Variants in RAPGEFL1 observed in about 807,000 individuals in gnomAD.
The protein encoded by RAPGEFL1 is rap guanine nucleotide exchange factor-like 1.
A neutral mutation model predicts 64.4 loss-of-function variants in RAPGEFL1; 31 were observed. The observed-to-expected ratio is 0.48, with a 90% CI of 0.36 to 0.65. The LOEUF (loss-of-function observed/expected upper bound fraction) is 0.65. Among genes scored for constraint, RAPGEFL1 ranks in the 30% least tolerant of loss-of-function variants. The pLI is 0.00. For missense variants in RAPGEFL1, 682 were observed against 677.4 expected, an observed-to-expected ratio of 1.01 and a Z score of -0.08; for synonymous variants, 331 against 274.1, an observed-to-expected ratio of 1.21 and a Z score of -2.05.
In RAPGEFL1 at chr17:40,191,625, A is replaced by T. The variant is rs372662080; in HGVS notation, c.1558A>T (p.Met520Leu). The T allele has an allele frequency of 4.8e-5, 77 of 1,612,626 alleles. No individual in the cohort carries two copies. In the African/African-American group the frequency reaches 8.9e-4, roughly 19 times the overall value. The stretch of plus-strand genomic sequence containing the variant: ...CCTGCTGTCTTTCTACGCCGTGGTC[A>T]TGGGGCTGGACAACGCCGCTGTCAG... ...QDLLSFYAVV[M>L]GLDNAAVSRL... Residue 520 changes from methionine (M) to leucine (L), a missense_variant, in exon 10 of 15, where the codon ATG (methionine) becomes TTG (leucine). Physicochemically the swap from Met to Leu is conservative, Grantham distance 15 (BLOSUM62 2). This residue lies in a region of RAPGEFL1 where 411 missense variants were observed against 519.4 expected (regional missense o/e 0.79). Transcript: ENST00000620260. This position sits in a 1 kb window ranked among gnomAD's most constrained non-coding sequence, Gnocchi z 5.1.
intron 4 of RAPGEFL1, chr17:40,188,639 G>C (rs746508491): frequency 8.9e-6 from 5 of 559,250 alleles, no homozygotes; most frequent in Non-Finnish European, 9.7e-6. Context: ...CTGGTGGGTG[G>C]GGTGGATCAG....
rs1354354890 is a variant in RAPGEFL1 at position 40,195,595 on chromosome 17, G to A, written c.*1807G>A. 2.0e-5 allele frequency: 3 copies of A among 152,712 alleles called. No homozygotes were observed. Among genetic ancestry groups the A allele is most frequent in the Non-Finnish European group, 2.9e-5 (2 of 68,094 alleles). The allele number at this position is 152,712 out of a possible 1,614,324, so 9.5% of individuals were successfully genotyped here. A position where few individuals can be genotyped will look rare whatever the true frequency, so the allele number is the denominator to read the frequency against. On this transcript the variant is annotated 3_prime_UTR_variant, in exon 15 of 15. Transcript: ENST00000620260. Reference sequence around the variant, plus strand: ...GAACCATGTGTATTGTACAGGCGCGGTTGTCATTGCAGAAACCGCTGGGTG... The same window carrying A: ...GAACCATGTGTATTGTACAGGCGCGATTGTCATTGCAGAAACCGCTGGGTG...
chr17:40,184,238 G>A lies in RAPGEFL1; in HGVS notation c.624G>A (p.Glu208=), dbSNP rs760279692. The change falls in exon 3 of 15, where the codon GAG becomes GAA. Residue 208 remains glutamate, a synonymous_variant. Coordinates refer to ENST00000620260, the MANE Select transcript of RAPGEFL1 (RefSeq NM_016339.6). ...GCTTTGTTCGGGCAGGAGGCATGGA[G>A]GGCCCTGAAGGGCTGGGCCGGAAGC... ...HQYFVRAGGM[E]GPEGLGRKQA... 3.1e-6 allele frequency: 5 copies of A among 1,613,082 alleles called. No homozygotes were observed. Among genetic ancestry groups the A allele is most frequent in the Non-Finnish European group, 4.2e-6 (5 of 1,179,520 alleles).
chr17:40,186,440 C>T (rs1266846464), intron 4 of RAPGEFL1, among the ~76,000 whole-genome samples: 8 of 149,324 alleles, frequency 5.4e-5, no homozygotes, highest in South Asian at 4.2e-4. Flanking sequence ...CGGTGGCGGG[C>T]GCCTGCAGTC....
chr17:40,187,265 C>G, intron 4 of RAPGEFL1, among the ~76,000 whole-genome samples: 1 of 152,154 alleles, frequency 6.6e-6, no homozygotes, highest in Admixed American at 6.6e-5. Flanking sequence ...ACCACTGTAT[C>G]CATCCATCCA....
intron 4 of RAPGEFL1, among the ~76,000 whole-genome samples, chr17:40,188,170 T>A (rs559391817): frequency 6.6e-6 from 1 of 151,724 alleles, no homozygotes; most frequent in South Asian, 2.1e-4. Flanking sequence ...CCACCTCAGC[T>A]TCCCAAAGTG....
At chr17:40,189,422 A>C (rs766284060) in intron 6 of RAPGEFL1, 47 bp downstream of exon 6, 2 of 1,599,280 alleles carry the variant, frequency 1.3e-6, no homozygotes, top group South Asian at 1.1e-5. Flanking sequence ...GGAGAAACTC[A>C]CAAGCTCAGG....
rs763915906 is a variant in RAPGEFL1, at chr17:40,191,168, G to A, written c.1336-148G>A. 4.0e-4 allele frequency: 286 copies of A among 708,656 alleles called. 2 individuals carry two copies. The Middle Eastern group carries it at 7.3e-3, about 18-fold the overall frequency. 43.9% of individuals were successfully genotyped at this position (708,656 alleles called of 1,614,324 possible). ...TGTTTTCTTTTTCCGCATCTTTGCC[G>A]CCTCCTGTCCTTTCTATTTTTCTAT... On this transcript the variant is annotated intron_variant, in intron 8 of 14. Transcript: ENST00000620260. This position sits in a 1 kb window ranked among gnomAD's most constrained non-coding sequence, Gnocchi z 5.1.
At chr17:40,183,820 CTTTTTTTTTTTTGCCTT>C (rs1989970134) in intron 2 of RAPGEFL1, among the ~76,000 whole-genome samples, 1 of 95,142 alleles carries the variant, frequency 1.1e-5, no homozygotes, top group African/African-American at 3.9e-5. Context: ...CGCGCCTGGC[CTTTTTTTTTTTTGCCTT>C]TTTTTTTTTT....
Position 40,191,685 on chromosome 17 carries a change from C to A in RAPGEFL1, c.1605+13C>A. 2 of 1,604,144 alleles carry A rather than the reference C, an allele frequency of 1.2e-6. No homozygotes were observed. The highest frequency in any genetic ancestry group is 1.7e-6 in the Non-Finnish European group (2 of 1,175,630). Reference sequence around the variant, plus strand: ...ACTCACCTGGGAGGTGATGAGACCCCTCCCGTTCCTACCTGGGAATCTGGG... The same window carrying A: ...ACTCACCTGGGAGGTGATGAGACCCATCCCGTTCCTACCTGGGAATCTGGG... On this transcript the variant is annotated intron_variant, in intron 10 of 14. Coordinates refer to ENST00000620260, the MANE Select transcript of RAPGEFL1 (RefSeq NM_016339.6). The surrounding 1 kb of genome is among the most constrained non-coding windows in gnomAD (Gnocchi z 5.1).
At position 40,191,130 on chromosome 17, in the gene RAPGEFL1, T is replaced by G. The variant is rs1990246922; in HGVS notation, c.1336-186T>G. On this transcript the variant is annotated intron_variant, in intron 8 of 14. Coordinates refer to ENST00000620260, the MANE Select transcript of RAPGEFL1 (RefSeq NM_016339.6). The surrounding 1 kb of genome is among the most constrained non-coding windows in gnomAD (Gnocchi z 5.1). ...AAGTGCTCAGTAGCTGGTGAAATAT[T>G]ATTAATGCTGGTTGTTTTCTTTTTC... 1.6e-6 allele frequency: 1 copy of G among 629,384 alleles called. No homozygotes were observed. Among genetic ancestry groups the G allele is most frequent in the Non-Finnish European group, 2.7e-6 (1 of 372,742 alleles). 39.0% of individuals were successfully genotyped at this position (629,384 alleles called of 1,614,324 possible). A position where few individuals can be genotyped will look rare whatever the true frequency, so the allele number is the denominator to read the frequency against.
intron 7 of RAPGEFL1, 21 bp from the exon 8 acceptor site, chr17:40,190,618 CT>C: frequency 6.2e-7 from 1 of 1,614,036 alleles, no homozygotes. Flanking sequence ...AGCCCAGCCC[CT>C]ATGCCCCTGC....
chr17:40,184,647 C>A lies in RAPGEFL1; in HGVS notation c.802C>A (p.Leu268Met). 6.3e-7 allele frequency: 1 copy of A among 1,591,328 alleles called. No homozygotes were observed. The change falls in exon 4 of 15, where the codon CTG becomes ATG. Residue 268 changes from leucine to methionine, a missense_variant. By Grantham distance (15) the Leu-to-Met change is conservative. Transcript: ENST00000620260. ...YQGLREDTLR[L>M]HQLVETVELK... Reference sequence around the variant, plus strand: ...GGGCCTCCGAGAGGACACTCTGAGGCTGCACCAGCTGGTGGAGACGGTGGA... The same window carrying A: ...GGGCCTCCGAGAGGACACTCTGAGGATGCACCAGCTGGTGGAGACGGTGGA...
At chr17:40,189,139 C>G (rs1340153572) in intron 5 of RAPGEFL1, 69 bp from the exon 6 acceptor site, 3 of 1,548,702 alleles carry the variant, frequency 1.9e-6, no homozygotes, top group African/African-American at 2.7e-5. Flanking sequence ...TAGAGGCACC[C>G]TGGAGGAGAC....
chr17:40,182,103 C>T (rs973123973), intron 2 of RAPGEFL1, among the ~76,000 whole-genome samples: 4 of 151,772 alleles, frequency 2.6e-5, no homozygotes, highest in Non-Finnish European at 5.9e-5. Flanking sequence ...GAAAAGAAAA[C>T]ATACCTGGGT....
Position 40,190,662 on chromosome 17 carries a change from A to C in RAPGEFL1, c.1235A>C (p.Gln412Pro). 1 of 1,614,152 alleles carries C rather than the reference A, an allele frequency of 6.2e-7. No individual in the cohort carries two copies. The highest frequency in any genetic ancestry group is 1.1e-5 in the South Asian group (1 of 91,082). Residue 412 changes from glutamine to proline, a missense_variant, in exon 8 of 15, where the codon CAG becomes CCG. This residue lies in a region of RAPGEFL1 where 411 missense variants were observed against 519.4 expected (regional missense o/e 0.79). Transcript: ENST00000620260. ...CAGGTGCCCCTCCCCGAGGAGATCC[A>C]GGTCTCCCCTGGAGACACAGAGATC... The part of the protein sequence containing the change: ...EALVPLPEEI[Q>P]VSPGDTEIHR...
intron 6 of RAPGEFL1, 128 bp from the exon 7 acceptor site, chr17:40,190,301 TGATAA>T (rs1567695944): frequency 1.8e-5 from 12 of 672,838 alleles, no homozygotes; most frequent in South Asian, 6.9e-5. Context: ...CATAAACTAG[TGATAA>T]GATGAGTTCC....
intron 2 of RAPGEFL1, among the ~76,000 whole-genome samples, chr17:40,182,767 G>A (rs1461097107): frequency 1.3e-5 from 2 of 152,202 alleles, no homozygotes; most frequent in Non-Finnish European, 2.9e-5. Context: ...CACTGGATGG[G>A]CTATTCATAG....
In RAPGEFL1 at chr17:40,192,571, G is replaced by A. The variant is rs1336121673; in HGVS notation, c.1657-35G>A. 3.2e-6 allele frequency: 5 copies of A among 1,562,098 alleles called. No individual in the cohort carries two copies. The Admixed American group carries it at 6.8e-5, about 21-fold the overall frequency. ...GGACATCTTTGGGATGCATTGGCCA[G>A]TCTGTCCCTTGATCTCTCTCCTGTG... On this transcript the variant is annotated intron_variant, in intron 11 of 14. Transcript: ENST00000620260.
Sources: gnomAD v4.1 joint callset for allele counts (sites outside exome capture counted in the v4.1 genomes callset) on GRCh38, gnomAD v4.1.1 for gene constraint, gnomAD v4.1.1 regional missense constraint, Gnocchi (gnomAD v3.1) non-coding constraint, MANE v1.5 for transcripts, NCBI Gene and HGNC (gene_info 2026-07-23, HGNC 2026-07-21) for gene names.